The following E2F5 variants were observed in gnomAD, a reference collection of about 807,000 sequenced individuals.
The protein encoded by E2F5 is transcription factor E2F5.
A neutral mutation model predicts 39.1 loss-of-function variants in E2F5; 23 were observed. The observed-to-expected ratio is 0.59, with a 90% confidence interval of 0.42 to 0.83. The LOEUF (loss-of-function observed/expected upper bound fraction) is 0.83. Among genes scored for constraint, E2F5 ranks in the 40% least tolerant of loss-of-function variants. E2F5 has a pLI of 0.00. For synonymous variants in E2F5, 145 were observed against 157.8 expected, an observed-to-expected ratio of 0.92 and a Z score of 0.61; for missense variants, 365 against 406.7, an observed-to-expected ratio of 0.90 and a Z score of 0.88.
At chr8:85,211,024 G>C (rs903274424) in intron 6 of E2F5, among the ~76,000 whole-genome samples, 2 of 151,996 alleles carry the variant, frequency 1.3e-5, no homozygotes, top group African/African-American at 4.8e-5. Context: ...TTTGGCCCTG[G>C]GAAGCAGAAT....
chr8:85,181,882 A>G (rs1362719574), intron 1 of E2F5, among the ~76,000 whole-genome samples: 1 of 151,268 alleles, frequency 6.6e-6, no homozygotes, highest in East Asian at 2.0e-4. Flanking sequence ...AATCGCTTGA[A>G]CTCAAGAGGC....
rs1382906903 is a variant in E2F5 at position 85,202,235 on chromosome 8, C to A, written c.323C>A (p.Ser108Ter). ...GGAATTGACTTGATTGAAAAAAAGT[C>A]AAAAAACAGTATCCAGTGGAAGTAA... is the stretch of plus-strand genomic sequence containing the variant. ...LEGIDLIEKK[S>*]KNSIQWKGVG... Residue 108 changes from serine (S) to a stop codon, truncating the protein, a stop_gained, in exon 2 of 8, where the codon TCA (serine) becomes TAA (stop). Transcript: ENST00000416274. LOFTEE classifies it high-confidence loss of function. 2.5e-6 allele frequency: 4 copies of A among 1,608,946 alleles called. No homozygotes were observed. Among genetic ancestry groups the A allele is most frequent in the Admixed American group, 1.7e-5 (1 of 59,138 alleles).
chr8:85,211,964 C>T (rs979934864), intron 6 of E2F5, among the ~76,000 whole-genome samples, 193 bp from the exon 7 acceptor site: 19 of 151,864 alleles, frequency 1.3e-4, no homozygotes, highest in South Asian at 2.1e-4. Flanking sequence ...TTTTGGTCTT[C>T]GTCTGGAGTT....
rs376101836 is a variant in E2F5 at position 85,180,098 on chromosome 8, G to A, written c.234+2444G>A. On this transcript the variant is annotated intron_variant, in intron 1 of 7. Coordinates refer to ENST00000416274, the MANE Select transcript of E2F5 (RefSeq NM_001951.4). ...GTGCAGTGGCAGATCTCTGCTCACTGCAACCTCCACCTCCCGGGTTCAAGC... is the reference window on the plus strand; with the variant it reads ...GTGCAGTGGCAGATCTCTGCTCACTACAACCTCCACCTCCCGGGTTCAAGC... Among the ~76,000 whole-genome samples, 7 of 151,696 alleles carry A rather than the reference G, an allele frequency of 4.6e-5. No homozygotes were observed. The East Asian group carries it at 1.4e-3, about 30-fold the overall frequency.
chr8:85,194,078 T>G (rs1812526428), intron 1 of E2F5, among the ~76,000 whole-genome samples: 1 of 152,184 alleles, frequency 6.6e-6, no homozygotes, highest in Non-Finnish European at 1.5e-5. Flanking sequence ...GTCCGTGTTT[T>G]ATTTTGTGGT....
intron 6 of E2F5, among the ~76,000 whole-genome samples, chr8:85,211,566 T>A (rs1357326686): frequency 6.6e-6 from 1 of 151,344 alleles, no homozygotes; most frequent in South Asian, 2.1e-4. Context: ...GTTTTAAGGT[T>A]GAATAACTGG....
At chr8:85,181,483 A>G (rs1055463237) in intron 1 of E2F5, among the ~76,000 whole-genome samples, 3 of 146,710 alleles carry the variant, frequency 2.0e-5, no homozygotes, top group Admixed American at 2.0e-4. Context: ...GGCGCCCGCC[A>G]CCACGCCCGG....
intron 5 of E2F5, among the ~76,000 whole-genome samples, chr8:85,208,312 G>A (rs1171408012): frequency 1.3e-5 from 2 of 152,180 alleles, no homozygotes; most frequent in Non-Finnish European, 2.9e-5. Flanking sequence ...TGGGCAACAA[G>A]AGTGAAACTC....
At chr8:85,205,813 C>CA (rs1812791710) in intron 3 of E2F5, among the ~76,000 whole-genome samples, 1 of 152,146 alleles carries the variant, frequency 6.6e-6, no homozygotes, top group African/African-American at 2.4e-5. Context: ...AATACAAGAA[C>CA]AAAAAACAAC....
At chr8:85,182,740 G>A (rs1211966786) in intron 1 of E2F5, among the ~76,000 whole-genome samples, 1 of 152,112 alleles carries the variant, frequency 6.6e-6, no homozygotes, top group Non-Finnish European at 1.5e-5. Flanking sequence ...TATAACTAAA[G>A]TTCTACATTT....
At chr8:85,178,480 T>G (rs1812133482) in intron 1 of E2F5, among the ~76,000 whole-genome samples, 1 of 152,116 alleles carries the variant, frequency 6.6e-6, no homozygotes. Flanking sequence ...ACTTAACCGA[T>G]CTAGGAAGGA....
intron 1 of E2F5, among the ~76,000 whole-genome samples, chr8:85,185,385 C>T (rs1053958498): frequency 3.9e-5 from 6 of 152,098 alleles, no homozygotes; most frequent in Non-Finnish European, 7.4e-5. Context: ...AAGACTTAAA[C>T]GTAAGACCTG....
At chr8:85,198,987 A>G (rs995154374) in intron 1 of E2F5, among the ~76,000 whole-genome samples, 1 of 152,032 alleles carries the variant, frequency 6.6e-6, no homozygotes, top group African/African-American at 2.4e-5. Flanking sequence ...AACTGAAGTC[A>G]TTTCTGATTC....
At chr8:85,193,097 T>C (rs1812500142) in intron 1 of E2F5, among the ~76,000 whole-genome samples, 1 of 152,210 alleles carries the variant, frequency 6.6e-6, no homozygotes, top group Admixed American at 6.5e-5. Flanking sequence ...AAAATAAATG[T>C]TGGGTATTCT....
chr8:85,201,568 A>C (rs1812699527), intron 1 of E2F5, among the ~76,000 whole-genome samples: 1 of 152,202 alleles, frequency 6.6e-6, no homozygotes, highest in South Asian at 2.1e-4. Flanking sequence ...ATCTTGAGCT[A>C]TTGATTCTGA....
At chr8:85,197,167 A>G (rs1587491347) in intron 1 of E2F5, among the ~76,000 whole-genome samples, 1 of 152,304 alleles carries the variant, frequency 6.6e-6, no homozygotes, top group East Asian at 1.9e-4. Context: ...TTGAGTGCAT[A>G]TGTATTGACT....
At chr8:85,189,760 A>G (rs1248479702) in intron 1 of E2F5, among the ~76,000 whole-genome samples, 3 of 152,328 alleles carry the variant, frequency 2.0e-5, no homozygotes, top group South Asian at 4.1e-4. Flanking sequence ...TAGTAGGTAT[A>G]TAAGTTTTTA....
In E2F5 at chr8:85,209,273, CA is replaced by C; in HGVS notation, c.748del (p.Thr250HisfsTer8). On this transcript the variant is annotated frameshift_variant, in exon 6 of 8. Transcript: ENST00000416274. LOFTEE classifies it high-confidence loss of function. ...TTCCTGTTCCCCCACCTGATGACCT[CA>C]CACAGCCTTCCTCCCAGTCCTTGAC... Reference protein sequence around the residue: ...VFPVPPPDDLTQPSSQSLTPV... With the variant: ...VFPVPPPDDLXQPSSQSLTPV... 1 of 1,613,972 alleles carries C rather than the reference CA, an allele frequency of 6.2e-7. No homozygotes were observed. The highest frequency in any genetic ancestry group is 8.5e-7 in the Non-Finnish European group (1 of 1,179,872).
chr8:85,196,644 G>A (rs1179418483), intron 1 of E2F5, among the ~76,000 whole-genome samples: 4 of 152,148 alleles, frequency 2.6e-5, no homozygotes, highest in African/African-American at 9.7e-5. Flanking sequence ...TACCACAAAT[G>A]TATTTATGAA....
Sources: allele counts gnomAD v4.1 joint callset (sites outside exome capture counted in the v4.1 genomes callset), GRCh38; gene constraint gnomAD v4.1.1; transcripts MANE v1.5; gene names NCBI Gene and HGNC (gene_info 2026-07-23, HGNC 2026-07-21).